Variants in ADARB2 observed in about 807,000 individuals in gnomAD.
The protein encoded by ADARB2 is inactive double-stranded RNA-specific editase B2.
Under a neutral mutation model 62.2 loss-of-function variants are expected in ADARB2, and 25 were observed. The observed-to-expected ratio is 0.40, with a 90% CI of 0.29 to 0.56. ADARB2 has a LOEUF of 0.56. Among genes scored for constraint, ADARB2 ranks in the 20% least tolerant of loss-of-function variants. The pLI is 0.43. For missense variants in ADARB2, 1,071 were observed against 1,077.4 expected, an observed-to-expected ratio of 0.99 and a Z score of 0.08; for synonymous variants, 572 against 500.8, an observed-to-expected ratio of 1.14 and a Z score of -1.90.
intron 1 of ADARB2, among the ~76,000 whole-genome samples, chr10:1,664,583 G>T (rs1430431349): frequency 6.6e-6 from 1 of 152,192 alleles, no homozygotes; most frequent in Non-Finnish European, 1.5e-5. Flanking sequence ...GCTGTTTACG[G>T]CGAGCAGGCT....
intron 7 of ADARB2, chr10:1,200,448 T>A (rs1015714027): frequency 1.1e-5 from 5 of 474,628 alleles, no homozygotes; most frequent in East Asian, 3.3e-5. Context: ...TAGATTTTTT[T>A]AAAAAGATAC....
chr10:1,614,821 G>T (rs1356356708), intron 1 of ADARB2, among the ~76,000 whole-genome samples: 1 of 152,156 alleles, frequency 6.6e-6, no homozygotes, highest in Non-Finnish European at 1.5e-5. Flanking sequence ...TGAGGCAGGA[G>T]AATGGCGTGA....
intron 1 of ADARB2, among the ~76,000 whole-genome samples, chr10:1,501,780 T>C (rs1831771421): frequency 6.6e-6 from 1 of 152,194 alleles, no homozygotes; most frequent in Non-Finnish European, 1.5e-5. Context: ...CCACTGGGCA[T>C]TTCAGGAGGA....
At chr10:1,695,556 G>A (rs1175930550) in intron 1 of ADARB2, among the ~76,000 whole-genome samples, 2 of 152,138 alleles carry the variant, frequency 1.3e-5, no homozygotes, top group Non-Finnish European at 2.9e-5. Context: ...AGAGGCAAAG[G>A]GCAGGAGCAA....
intron 1 of ADARB2, among the ~76,000 whole-genome samples, chr10:1,602,965 C>A (rs901883207): frequency 2.7e-5 from 4 of 148,662 alleles, no homozygotes. Context: ...CATGCACACA[C>A]AGACACACAT....
chr10:1,640,216 G>A (rs1833964235), intron 1 of ADARB2, among the ~76,000 whole-genome samples: 2 of 152,210 alleles, frequency 1.3e-5, no homozygotes, highest in South Asian at 2.1e-4. Flanking sequence ...CAGTTTAGAA[G>A]TCTCGTTTTC....
At chr10:1,331,448 G>C (rs759158365) in intron 3 of ADARB2, among the ~76,000 whole-genome samples, 1 of 152,184 alleles carries the variant, frequency 6.6e-6, no homozygotes, top group Non-Finnish European at 1.5e-5. Context: ...AAGTTCTGAC[G>C]TATGCCACAC....
At chr10:1,440,052 G>T (rs540344830) in intron 1 of ADARB2, among the ~76,000 whole-genome samples, 33 of 149,344 alleles carry the variant, frequency 2.2e-4, no homozygotes, top group Non-Finnish European at 2.1e-4. Context: ...CTCCTCAGCA[G>T]ATGGAGGCAG....
intron 1 of ADARB2, among the ~76,000 whole-genome samples, chr10:1,381,829 G>C (rs995038753): frequency 7.2e-5 from 11 of 152,224 alleles, no homozygotes; most frequent in Admixed American, 2.0e-4. Context: ...TGCTGCCAGG[G>C]TCCATGGGGT....
chr10:1,594,741 G>A (rs1318118454), intron 1 of ADARB2, among the ~76,000 whole-genome samples: 2 of 152,358 alleles, frequency 1.3e-5, no homozygotes, highest in African/African-American at 2.4e-5. Context: ...CTGTGCTGGA[G>A]GACGCTTAAA....
intron 6 of ADARB2, among the ~76,000 whole-genome samples, chr10:1,228,989 C>G (rs1830773203): frequency 6.6e-6 from 1 of 152,198 alleles, no homozygotes; most frequent in South Asian, 2.1e-4. Context: ...CCGAATGCAT[C>G]AGAATCTCGG....
At chr10:1,514,985 A>G (rs1464361341) in intron 1 of ADARB2, among the ~76,000 whole-genome samples, 1 of 151,788 alleles carries the variant, frequency 6.6e-6, no homozygotes, top group Non-Finnish European at 1.5e-5. Flanking sequence ...AAGAGACAGT[A>G]AAATGGAAAG....
chr10:1,525,665 G>A (rs1832131029), intron 1 of ADARB2, among the ~76,000 whole-genome samples: 1 of 152,202 alleles, frequency 6.6e-6, no homozygotes, highest in African/African-American at 2.4e-5. Flanking sequence ...AGACAGGGTG[G>A]CTTGCAGAAG....
At chr10:1,514,795 C>T (rs906026519) in intron 1 of ADARB2, among the ~76,000 whole-genome samples, 2 of 152,132 alleles carry the variant, frequency 1.3e-5, no homozygotes, top group African/African-American at 4.8e-5. Context: ...ACAAGAAATC[C>T]TTTATGAAGA....
chr10:1,346,882 G>T (rs1471089077), intron 3 of ADARB2, among the ~76,000 whole-genome samples: 1 of 152,236 alleles, frequency 6.6e-6, no homozygotes, highest in Non-Finnish European at 1.5e-5. Flanking sequence ...CCAGTTTTGG[G>T]CAAAATGCTG....
chr10:1,207,169 A>T (rs1837079629), intron 7 of ADARB2, among the ~76,000 whole-genome samples: 1 of 152,102 alleles, frequency 6.6e-6, no homozygotes, highest in African/African-American at 2.4e-5. Context: ...CAACGTGGCG[A>T]AACCCTGTCT....
intron 2 of ADARB2, among the ~76,000 whole-genome samples, chr10:1,371,430 AACAG>A (rs1268639865): frequency 7.2e-5 from 11 of 152,370 alleles, no homozygotes; most frequent in African/African-American, 2.2e-4. Context: ...CAAATCCAGA[AACAG>A]ACAAAGTGGA....
At chr10:1,610,701 C>T (rs1833557955) in intron 1 of ADARB2, among the ~76,000 whole-genome samples, 1 of 152,056 alleles carries the variant, frequency 6.6e-6, no homozygotes, top group South Asian at 2.1e-4. Context: ...GGTCATAAGG[C>T]CAAGCAAGAA....
intron 7 of ADARB2, among the ~76,000 whole-genome samples, chr10:1,209,060 G>A (rs1837107434): frequency 6.6e-6 from 1 of 152,176 alleles, no homozygotes; most frequent in African/African-American, 2.4e-5. Flanking sequence ...AGGGGCGTGT[G>A]GCTGCCAATA....
Sources: gnomAD v4.1 joint callset for allele counts (sites outside exome capture counted in the v4.1 genomes callset) on GRCh38, gnomAD v4.1.1 for gene constraint, MANE v1.5 for transcripts, NCBI Gene and HGNC (gene_info 2026-07-23, HGNC 2026-07-21) for gene names.